Variants in URB1 observed in about 807,000 individuals in gnomAD.
URB1 encodes the protein nucleolar pre-ribosomal-associated protein 1.
A neutral mutation model predicts 242.3 loss-of-function variants in URB1; 197 were observed. That is an observed-to-expected ratio of 0.81 (90% CI 0.72 to 0.91). The LOEUF (loss-of-function observed/expected upper bound fraction) is 0.91, where lower values mean the gene tolerates loss of function less well. Ranked by LOEUF, URB1 falls within the 40% of genes least tolerant of loss-of-function variation. The pLI is 0.00. For synonymous variants in URB1, 1,153 were observed against 1,201.8 expected (o/e 0.96, Z 0.84); for missense variants, 2,721 against 2,860.5 (o/e 0.95, Z 1.11).
chr21:32,378,672 A>T, intron 4 of URB1, 131 bp from the exon 5 acceptor site: 2 of 724,900 alleles, frequency 2.8e-6, no homozygotes, highest in Non-Finnish European at 4.7e-6. Flanking sequence ...CCCAGTCACC[A>T]GGGGATGCAA....
intron 8 of URB1, among the ~76,000 whole-genome samples, chr21:32,371,553 T>C (rs908580525): frequency 1.3e-5 from 2 of 152,118 alleles, no homozygotes; most frequent in Non-Finnish European, 2.9e-5. Flanking sequence ...GACCTCAGAA[T>C]CAAAACACGT....
At chr21:32,333,113 TA>T (rs759157894) in intron 30 of URB1, 10 of 518,772 alleles carry the variant, frequency 1.9e-5, no homozygotes, top group South Asian at 7.5e-5. Flanking sequence ...TTTTTTTTTT[TA>T]AATCACTGTA....
chr21:32,378,462 T>C lies in URB1; in HGVS notation c.647A>G (p.Gln216Arg), dbSNP rs200737205. The C allele has an allele frequency of 1.6e-4, 241 of 1,551,676 alleles. No individual in the cohort carries two copies. Among genetic ancestry groups the C allele is most frequent in the Non-Finnish European group, 1.9e-5 (22 of 1,146,958 alleles). ...ACACCTACCTTTCACTTCCAACACCTGCACTATAGTGCTGTCATCACCCGC... is the reference window on the plus strand; with the variant it reads ...ACACCTACCTTTCACTTCCAACACCCGCACTATAGTGCTGTCATCACCCGC... ...LIAGDDSTIVQVLEVKEFIPC... is the reference protein window; with the variant it reads ...LIAGDDSTIVRVLEVKEFIPC... Residue 216 changes from glutamine (Q) to arginine (R), a missense_variant, in exon 5 of 39, where the codon CAG (glutamine) becomes CGG (arginine). By Grantham distance (43) the Gln-to-Arg change is conservative (BLOSUM62 1). Transcript: ENST00000382751.
chr21:32,349,255 C>T, intron 21 of URB1, 49 bp downstream of exon 21: 3 of 1,453,632 alleles, frequency 2.1e-6, no homozygotes. Context: ...AAGAGAAAGC[C>T]ACTGCCCATG....
chr21:32,355,490 T>C lies in URB1; in HGVS notation c.2065A>G (p.Met689Val), dbSNP rs930908439. 4.0e-5 allele frequency: 62 copies of C among 1,551,734 alleles called. No homozygotes were observed. The highest frequency in any genetic ancestry group is 2.0e-4 in the Admixed American group (10 of 50,986). Residue 689 changes from methionine (M) to valine (V), a missense_variant, in exon 16 of 39, where the codon ATG becomes GTG. Physicochemically the swap from Met to Val is conservative, Grantham distance 21. Transcript: ENST00000382751. ...ELWLEHLENT[M>V]EEDKETVIQF... Reference sequence around the variant, plus strand: ...ATCACAGTCTCTTTGTCCTCTTCCATGGTGTTCTCTAAATGCTCCAGCCAG... The same window carrying C: ...ATCACAGTCTCTTTGTCCTCTTCCACGGTGTTCTCTAAATGCTCCAGCCAG...
intron 4 of URB1, among the ~76,000 whole-genome samples, chr21:32,383,101 AG>A (rs951368765): frequency 1.3e-5 from 2 of 152,204 alleles, no homozygotes; most frequent in African/African-American, 4.8e-5. Context: ...GGGCACATGG[AG>A]GGTATTTCAT....
intron 4 of URB1, among the ~76,000 whole-genome samples, chr21:32,382,775 C>T (rs2033540869): frequency 6.6e-6 from 1 of 152,066 alleles, no homozygotes; most frequent in Non-Finnish European, 1.5e-5. Flanking sequence ...GGAGGATGCC[C>T]TCTCTCAAGC....
In URB1 at chr21:32,347,453, G is replaced by A; in HGVS notation, c.3371C>T (p.Thr1124Ile). 1 of 1,551,030 alleles carries A rather than the reference G, an allele frequency of 6.4e-7. No homozygotes were observed. The highest frequency in any genetic ancestry group is 1.2e-5 in the South Asian group (1 of 83,984). The change falls in exon 22 of 39, where the codon ACC (threonine) becomes ATC (isoleucine). Residue 1124 changes from threonine (T) to isoleucine (I), a missense_variant. Coordinates refer to ENST00000382751, the MANE Select transcript of URB1 (RefSeq NM_014825.3). ...CTCAGGCAGGCTCAGCAAGGCCAGG[G>A]TGACCTCACGGAGCTGGGCACCCTC... ...YMEGAQLREV[T>I]LALLSLPETH...
intron 15 of URB1, among the ~76,000 whole-genome samples, chr21:32,356,957 G>A (rs2033228000): frequency 6.6e-6 from 1 of 152,184 alleles, no homozygotes; most frequent in Admixed American, 6.5e-5. Flanking sequence ...AGTGTAGCAA[G>A]GTTATCAGCA....
Position 32,347,210 on chromosome 21 carries a change from T to C in URB1, c.3614A>G (p.Gln1205Arg). The change falls in exon 22 of 39, where the codon CAG becomes CGG. Residue 1205 changes from glutamine to arginine, a missense_variant. Transcript: ENST00000382751. ...TGCGGGGGCCAGCACAGGGTCTCTC[T>C]GCAGAGTGTGGAGGAGCACTGTGTC... is the stretch of plus-strand genomic sequence containing the variant. ...ELDTVLLHTL[Q>R]RDPVLAPAVG... The C allele has an allele frequency of 6.4e-7, 1 of 1,550,530 alleles. No homozygotes were observed. Among genetic ancestry groups the C allele is most frequent in the Non-Finnish European group, 8.7e-7 (1 of 1,146,952 alleles).
chr21:32,322,893 G>T (rs1050628652), intron 32 of URB1, among the ~76,000 whole-genome samples: 17 of 152,190 alleles, frequency 1.1e-4, no homozygotes, highest in African/African-American at 4.1e-4. Context: ...GGTGGGAAGG[G>T]TGGGACTTGG....
chr21:32,320,546 TGTAAAATCCATGTTAAAAGGCTA>T lies in URB1; in HGVS notation c.5556_5578del (p.Tyr1852Ter). 1 of 1,551,714 alleles carries T rather than the reference TGTAAAATCCATGTTAAAAGGCTA, an allele frequency of 6.4e-7. No individual in the cohort carries two copies. Among genetic ancestry groups the T allele is most frequent in the Non-Finnish European group, 8.7e-7 (1 of 1,146,766 alleles). ...AGGTACTTACTTGCTTTCAAGGATG[TGTAAAATCCATGTTAAAAGGCTA>T]TAGTCTCGTATGATTTCATACGCAG... On this transcript the variant is annotated stop_gained and frameshift_variant, in exon 35 of 39. Transcript: ENST00000382751. LOFTEE classifies it high-confidence loss of function.
chr21:32,368,563 C>A lies in URB1; in HGVS notation c.1037G>T (p.Gly346Val), dbSNP rs965089488. The A allele has an allele frequency of 6.4e-7, 1 of 1,551,538 alleles. No homozygotes were observed. Among genetic ancestry groups the A allele is most frequent in the East Asian group, 2.4e-5 (1 of 40,916 alleles). The stretch of plus-strand genomic sequence containing the variant: ...ATCATCATCAGCTGCAGTTTTCAAA[C>A]CCAGCAAGAAGTGCAAGAGTGTCAG... ...GNLTLLHFLLGLKTAADDDLV... is the reference protein window; with the variant it reads ...GNLTLLHFLLVLKTAADDDLV... The change falls in exon 9 of 39, where the codon GGT (glycine) becomes GTT (valine). Residue 346 changes from glycine to valine, a missense_variant. Coordinates refer to ENST00000382751, the MANE Select transcript of URB1 (RefSeq NM_014825.3).
chr21:32,337,284 C>A lies in URB1; in HGVS notation c.4621+120G>T. Reference sequence around the variant, plus strand: ...CCTCATATCTTCACCCTGCTTGCACCGCCTGGTCTCACTGTCTCCTCCTGC... The same window carrying A: ...CCTCATATCTTCACCCTGCTTGCACAGCCTGGTCTCACTGTCTCCTCCTGC... On this transcript the variant is annotated intron_variant, in intron 27 of 38. Transcript: ENST00000382751. 3.0e-6 allele frequency: 4 copies of A among 1,332,440 alleles called. No individual in the cohort carries two copies. The South Asian group carries it at 4.0e-5, about 13-fold the overall frequency. 82.5% of individuals were successfully genotyped at this position (1,332,440 alleles called of 1,614,324 possible). A position where few individuals can be genotyped will look rare whatever the true frequency, so the allele number is the denominator to read the frequency against.
At chr21:32,375,362 AAC>A in intron 6 of URB1, 34 bp downstream of exon 6, 3 of 1,346,152 alleles carry the variant, frequency 2.2e-6, no homozygotes, top group Non-Finnish European at 3.0e-6. Context: ...CCCAAGGGAA[AAC>A]AGACAACAGA....
intron 38 of URB1, 109 bp downstream of exon 38, chr21:32,316,357 C>T: frequency 7.0e-7 from 1 of 1,426,638 alleles, no homozygotes; most frequent in Non-Finnish European, 9.2e-7. Context: ...CAATACCCAG[C>T]TGAGGAAGTC....
At position 32,314,959 on chromosome 21, in the gene URB1, C is replaced by T; in HGVS notation, c.6775G>A (p.Val2259Met). Residue 2259 changes from valine (V) to methionine (M), a missense_variant, in exon 39 of 39, where the codon GTG (valine) becomes ATG (methionine). Coordinates refer to ENST00000382751, the MANE Select transcript of URB1 (RefSeq NM_014825.3). ...GCGCTGGCGGCGTCCTTGCAGAGCACCACGATGGCCTCCTCTTCACTGCTC... is the reference window on the plus strand; with the variant it reads ...GCGCTGGCGGCGTCCTTGCAGAGCATCACGATGGCCTCCTCTTCACTGCTC... Reference protein sequence around the residue: ...APSSEEEAIVVLCKDAASAAS... With the variant: ...APSSEEEAIVMLCKDAASAAS... 6.4e-7 allele frequency: 1 copy of T among 1,551,660 alleles called. No homozygotes were observed. Among genetic ancestry groups the T allele is most frequent in the Non-Finnish European group, 8.7e-7 (1 of 1,146,980 alleles).
chr21:32,326,443 A>G (rs1053064875), intron 30 of URB1, among the ~76,000 whole-genome samples: 1 of 152,220 alleles, frequency 6.6e-6, no homozygotes, highest in African/African-American at 2.4e-5. Flanking sequence ...AGATACAAAA[A>G]CCCAAAACCA....
Position 32,312,247 on chromosome 21 carries a change from A to G in URB1, c.*2671T>C. 7.1e-7 allele frequency: 1 copy of G among 1,418,368 alleles called. No homozygotes were observed. The highest frequency in any genetic ancestry group is 2.9e-5 in the Admixed American group (1 of 35,040). The allele number at this position is 1,418,368 out of a possible 1,614,324, so 87.9% of individuals were successfully genotyped here. On this transcript the variant is annotated 3_prime_UTR_variant, in exon 39 of 39. Coordinates refer to ENST00000382751, the MANE Select transcript of URB1 (RefSeq NM_014825.3). ...GCTTGCTTACTGCTTATATTTGCTCAGGGAAGAGTAGGAAAATAAAATATA... is the reference window on the plus strand; with the variant it reads ...GCTTGCTTACTGCTTATATTTGCTCGGGGAAGAGTAGGAAAATAAAATATA...
Sources: gnomAD v4.1 joint callset for allele counts (sites outside exome capture counted in the v4.1 genomes callset) on GRCh38, gnomAD v4.1.1 for gene constraint, MANE v1.5 for transcripts, NCBI Gene and HGNC (gene_info 2026-07-23, HGNC 2026-07-21) for gene names.